The following KIAA1217 variants were observed in gnomAD, a reference collection of about 807,000 sequenced individuals.
KIAA1217 encodes KIAA1217.
Under a neutral mutation model 163.9 loss-of-function variants are expected in KIAA1217, and 88 were observed. The ratio of observed to expected loss-of-function variants is 0.54; its 90% CI spans 0.45 to 0.64. The LOEUF is 0.64. Among genes scored for constraint, KIAA1217 ranks in the 30% least tolerant of loss-of-function variants. KIAA1217 has a pLI of 0.00. For synonymous variants in KIAA1217, 903 were observed against 923.1 expected (o/e 0.98, Z 0.39); for missense variants, 2,372 against 2,475.0 (o/e 0.96, Z 0.88).
chr10:24,003,656 G>T (rs1846854970), intron 1 of KIAA1217, among the ~76,000 whole-genome samples: 1 of 152,128 alleles, frequency 6.6e-6, no homozygotes. Flanking sequence ...TGCAAAAAGG[G>T]GTGGGTTTCA....
intron 2 of KIAA1217, among the ~76,000 whole-genome samples, chr10:24,326,272 T>A (rs1382380757): frequency 6.6e-6 from 1 of 152,172 alleles, no homozygotes; most frequent in Non-Finnish European, 1.5e-5. Context: ...GAATTGTTTA[T>A]TTCATGCAAG....
chr10:23,824,649 A>T lies in KIAA1217; in HGVS notation c.-321+129415A>T, dbSNP rs1427262657. Among the ~76,000 whole-genome samples the T allele has an allele frequency of 4.6e-3, 337 of 73,358 alleles. 3 individuals carry two copies. Among genetic ancestry groups the T allele is most frequent in the African/African-American group, 0.018 (295 of 16,406 alleles). 48.1% of individuals were successfully genotyped at this position (73,358 alleles called of 152,430 possible). On this transcript the variant is annotated intron_variant, in intron 1 of 18. Coordinates refer to the KIAA1217 transcript ENST00000376462. ...GTCTCAAGAAAAAAAAAAAAAAAAA[A>T]ATAAAAAAAATATATATATATATAT...
chr10:24,520,675 T>TATAC lies in KIAA1217; in HGVS notation c.2308+423_2308+424insTACA, dbSNP rs1411092462. Among the ~76,000 whole-genome samples the TATAC allele has an allele frequency of 1.0e-4, 8 of 77,544 alleles. 1 individual carries two copies. The highest frequency in any genetic ancestry group is 4.2e-4 in the South Asian group (1 of 2,392). The allele number at this position is 77,544 out of a possible 152,430, so 50.9% of individuals were successfully genotyped here. ...AAATATATATATATATATATATATA[T>TATAC]ACACACACACACAAAAAAAAATTAG... On this transcript the variant is annotated intron_variant, in intron 11 of 20. Coordinates refer to ENST00000376454, the MANE Select transcript of KIAA1217 (RefSeq NM_019590.5).
intron 2 of KIAA1217, among the ~76,000 whole-genome samples, chr10:24,102,977 C>A (rs1271781656): frequency 6.6e-6 from 1 of 152,104 alleles, no homozygotes; most frequent in African/African-American, 2.4e-5. Flanking sequence ...ATGGGAGATC[C>A]CCTGCACAAG....
chr10:24,412,994 C>T (rs1375804310), intron 3 of KIAA1217, among the ~76,000 whole-genome samples: 1 of 152,222 alleles, frequency 6.6e-6, no homozygotes, highest in African/African-American at 2.4e-5. Flanking sequence ...TGCATCTTTA[C>T]TCATCTTTCG....
intron 2 of KIAA1217, among the ~76,000 whole-genome samples, chr10:24,009,933 T>A (rs1847169037): frequency 6.6e-6 from 1 of 152,160 alleles, no homozygotes; most frequent in Non-Finnish European, 1.5e-5. Context: ...GGCTCTGTCC[T>A]TGTGGTTGTC....
At chr10:24,294,534 G>C (rs771048137) in intron 2 of KIAA1217, among the ~76,000 whole-genome samples, 1 of 152,146 alleles carries the variant, frequency 6.6e-6, no homozygotes, top group Non-Finnish European at 1.5e-5. Flanking sequence ...AGTTAGCTAC[G>C]TTCACACTGA....
At chr10:23,944,305 T>A (rs4642978) in intron 1 of KIAA1217, among the ~76,000 whole-genome samples, 34,182 of 151,890 alleles carry the variant, frequency 0.23, 8,124 homozygotes, top group African/African-American at 0.6. Context: ...CACACCTGTA[T>A]TCCCAGCTAT....
intron 1 of KIAA1217, among the ~76,000 whole-genome samples, chr10:23,879,117 G>A (rs545478529): frequency 1.1e-4 from 16 of 152,024 alleles, no homozygotes; most frequent in Non-Finnish European, 2.1e-4. Flanking sequence ...CTTAGATGGC[G>A]TTCAAAGCTG....
chr10:24,504,821 A>G (rs1463229689), intron 9 of KIAA1217, among the ~76,000 whole-genome samples: 1 of 152,238 alleles, frequency 6.6e-6, no homozygotes, highest in Non-Finnish European at 1.5e-5. Context: ...TCTCAGGAAT[A>G]GAAATTTGTT....
At chr10:23,844,734 G>A (rs1010138646) in intron 1 of KIAA1217, among the ~76,000 whole-genome samples, 4 of 150,556 alleles carry the variant, frequency 2.7e-5, no homozygotes, top group South Asian at 2.1e-4. Context: ...GTGGCTCAAC[G>A]TTTAATTTTT....
chr10:24,096,235 G>C (rs1314203067), intron 2 of KIAA1217, among the ~76,000 whole-genome samples: 2 of 152,180 alleles, frequency 1.3e-5, no homozygotes, highest in African/African-American at 4.8e-5. Flanking sequence ...TAAAAGCTTA[G>C]ACATTATCCT....
intron 3 of KIAA1217, among the ~76,000 whole-genome samples, chr10:24,395,952 G>A (rs1181146931): frequency 2.6e-5 from 4 of 152,150 alleles, no homozygotes; most frequent in Non-Finnish European, 5.9e-5. Context: ...GGAATTACAG[G>A]CATGAACCAC....
intron 1 of KIAA1217, among the ~76,000 whole-genome samples, chr10:23,697,243 A>G (rs1394585304): frequency 6.6e-6 from 1 of 152,250 alleles, no homozygotes; most frequent in East Asian, 1.9e-4. Flanking sequence ...GTAGTGAGGC[A>G]GATGGGTGAA....
chr10:24,217,732 A>G lies in KIAA1217; in HGVS notation c.71-1894A>G, dbSNP rs567903109. Among the ~76,000 whole-genome samples, 475 of 152,366 alleles carry G rather than the reference A, an allele frequency of 3.1e-3. 2 individuals are homozygous for G. Among genetic ancestry groups the G allele is most frequent in the Non-Finnish European group, 5.6e-3 (384 of 68,038 alleles). On this transcript the variant is annotated intron_variant, in intron 1 of 20. Transcript: ENST00000376454. ...AGTGTGAAGGATTGGTTCTCTGTTT[A>G]TCTGGGATTCAACTGAGCAGAACTC...
At chr10:24,346,998 G>A (rs541892831) in intron 2 of KIAA1217, among the ~76,000 whole-genome samples, 3 of 152,142 alleles carry the variant, frequency 2.0e-5, no homozygotes, top group Non-Finnish European at 4.4e-5. Context: ...GTTAATAACC[G>A]AGTGTTGGCT....
chr10:23,874,605 A>C (rs57562638), intron 1 of KIAA1217, among the ~76,000 whole-genome samples: 8 of 152,132 alleles, frequency 5.3e-5, no homozygotes, highest in African/African-American at 1.9e-4. Context: ...CAATGCTATA[A>C]TCATATATAT....
intron 1 of KIAA1217, among the ~76,000 whole-genome samples, chr10:23,811,065 C>A: frequency 8.0e-6 from 1 of 125,500 alleles, no homozygotes; most frequent in Admixed American, 8.8e-5. Context: ...TTGTTAATCT[C>A]TATATATAAT....
intron 2 of KIAA1217, among the ~76,000 whole-genome samples, chr10:24,078,991 G>A (rs2061455642): frequency 6.6e-6 from 1 of 152,196 alleles, no homozygotes; most frequent in Non-Finnish European, 1.5e-5. Flanking sequence ...GGTTTCTCAT[G>A]GGTGTGTTGG....
Sources: allele counts gnomAD v4.1 joint callset (sites outside exome capture counted in the v4.1 genomes callset), GRCh38; gene constraint gnomAD v4.1.1; transcripts MANE v1.5; gene names NCBI Gene and HGNC (gene_info 2026-07-23, HGNC 2026-07-21).